Variants in SORCS1 observed in about 807,000 individuals in gnomAD.
SORCS1 encodes the protein VPS10 domain-containing receptor SorCS1.
SORCS1 carries 60 observed loss-of-function variants against 146.1 expected under a neutral mutation model. The observed-to-expected ratio is 0.41, with a 90% confidence interval of 0.33 to 0.51. SORCS1 has a LOEUF of 0.51. Ranked by LOEUF, SORCS1 falls within the 20% of genes least tolerant of loss-of-function variation. The pLI, the probability that SORCS1 is intolerant of heterozygous loss-of-function variation, is 0.21. For missense variants in SORCS1, 1,352 were observed against 1,487.6 expected (o/e 0.91, Z 1.50); for synonymous variants, 637 against 584.0 (o/e 1.09, Z -1.31).
chr10:106,949,239 T>C (rs1954541652), intron 2 of SORCS1, among the ~76,000 whole-genome samples: 1 of 152,208 alleles, frequency 6.6e-6, no homozygotes, highest in Admixed American at 6.5e-5. Context: ...TTTATTATTA[T>C]TATTTTTTCT....
chr10:106,947,115 C>G (rs1954384450), intron 2 of SORCS1, among the ~76,000 whole-genome samples: 1 of 152,174 alleles, frequency 6.6e-6, no homozygotes, highest in African/African-American at 2.4e-5. Flanking sequence ...ACATCACTTT[C>G]ATCCAAAATA....
intron 2 of SORCS1, among the ~76,000 whole-genome samples, chr10:106,913,849 T>C (rs537852241): frequency 6.6e-6 from 1 of 152,232 alleles, no homozygotes; most frequent in Non-Finnish European, 1.5e-5. Flanking sequence ...GCCTAAGAAA[T>C]GTCCTTGAGT....
In SORCS1 at chr10:107,164,390, G is replaced by A. The variant is rs1448722003; in HGVS notation, c.137C>T (p.Ala46Val). ...CCTAGGGGTCGAGGCCGAGCGTGGA[G>A]CGGAGCTGGGGTGCGGCGAGGGGCA... ...SCCPSPHPSSAPRSASTPRGF... is the reference protein window; with the variant it reads ...SCCPSPHPSSVPRSASTPRGF... The change falls in exon 1 of 26, where the codon GCT (alanine) becomes GTT (valine). Residue 46 changes from alanine to valine, a missense_variant. Around this residue, in one of 3 missense-constraint regions of SORCS1, gnomAD observed 490 missense variants for 489.1 expected, o/e 1.00. Coordinates refer to ENST00000263054, the MANE Select transcript of SORCS1 (RefSeq NM_052918.5). This position sits in a 1 kb window ranked among gnomAD's most constrained non-coding sequence, Gnocchi z 6.8. 5.5e-6 allele frequency: 8 copies of A among 1,456,068 alleles called. No individual in the cohort carries two copies. In the Admixed American group the frequency reaches 7.9e-5, roughly 14 times the overall value. 90.2% of individuals were successfully genotyped at this position (1,456,068 alleles called of 1,614,324 possible). A position where few individuals can be genotyped will look rare whatever the true frequency, so the allele number is the denominator to read the frequency against.
At chr10:107,167,787 T>C (rs1029253866), upstream of SORCS1, among the ~76,000 whole-genome samples, 8 of 151,876 alleles carry the variant, frequency 5.3e-5, no homozygotes, top group Admixed American at 2.0e-4. Flanking sequence ...TATAAACATA[T>C]GTATATATAT....
At chr10:107,025,182 T>C (rs1958345173) in intron 1 of SORCS1, among the ~76,000 whole-genome samples, 1 of 152,200 alleles carries the variant, frequency 6.6e-6, no homozygotes, top group Non-Finnish European at 1.5e-5. Context: ...TAAAAAGTAC[T>C]GAAAATGTTA....
chr10:106,654,903 TTGGCTCACTGCGGCTTTATTA>T (rs1364926882), intron 17 of SORCS1, among the ~76,000 whole-genome samples: 1 of 152,138 alleles, frequency 6.6e-6, no homozygotes, highest in South Asian at 2.1e-4. Flanking sequence ...CAGGCTTTAC[TTGGCTCACTGCGGCTTTATTA>T]TGGCTCACTG....
chr10:106,903,620 GAA>G (rs1157001372), intron 2 of SORCS1, among the ~76,000 whole-genome samples: 3 of 152,136 alleles, frequency 2.0e-5, no homozygotes, highest in Non-Finnish European at 2.9e-5. Flanking sequence ...TCAGAGAAAA[GAA>G]AAGAGTGACG....
intron 14 of SORCS1, 130 bp from the exon 15 acceptor site, chr10:106,673,115 A>C: frequency 1.5e-6 from 1 of 667,768 alleles, no homozygotes; most frequent in Non-Finnish European, 2.5e-6. Flanking sequence ...TAATCCTCAA[A>C]ACGCATTCAT....
chr10:106,578,912 GGTTT>G (rs538854687), intron 25 of SORCS1: 251 of 1,421,908 alleles, frequency 1.8e-4, no homozygotes, highest in Non-Finnish European at 2.2e-4. Context: ...AGAAGCAAGA[GGTTT>G]GTTTGTTTTT....
intron 1 of SORCS1, among the ~76,000 whole-genome samples, chr10:107,141,289 T>G (rs1000606434): frequency 6.6e-6 from 1 of 152,174 alleles, no homozygotes; most frequent in African/African-American, 2.4e-5. Flanking sequence ...AGGAACTCAA[T>G]GGAGGGGAGG....
Position 106,812,528 on chromosome 10 carries a change from G to T in SORCS1, c.726+17046C>A, listed in dbSNP as rs1947517951. Among the ~76,000 whole-genome samples, 6 of 152,138 alleles carry T rather than the reference G, an allele frequency of 3.9e-5. No individual in the cohort carries two copies. The South Asian group carries it at 1.2e-3, about 32-fold the overall frequency. On this transcript the variant is annotated intron_variant, in intron 3 of 25. Coordinates refer to ENST00000263054, the MANE Select transcript of SORCS1 (RefSeq NM_052918.5). The stretch of plus-strand genomic sequence containing the variant: ...TTCTAGTTCCAATTTAGGTCTAGTT[G>T]TAAACAGCTTTCTTTCTAATATTTG...
intron 2 of SORCS1, among the ~76,000 whole-genome samples, chr10:106,886,925 C>G (rs1372811045): frequency 1.3e-5 from 2 of 152,186 alleles, no homozygotes; most frequent in African/African-American, 4.8e-5. Flanking sequence ...CTATGCCAGG[C>G]ACTAAGCAGA....
intron 3 of SORCS1, among the ~76,000 whole-genome samples, chr10:106,813,305 T>G (rs1947569579): frequency 6.6e-6 from 1 of 151,854 alleles, no homozygotes; most frequent in Non-Finnish European, 1.5e-5. Flanking sequence ...GCTAATTTTT[T>G]GTATTTTTAG....
chr10:106,754,141 A>T (rs529041101), intron 5 of SORCS1, among the ~76,000 whole-genome samples: 1 of 152,302 alleles, frequency 6.6e-6, no homozygotes, highest in East Asian at 1.9e-4. Context: ...AGTAAAGTTG[A>T]TTCTAGCCCG....
chr10:107,139,623 G>T (rs1441340643), intron 1 of SORCS1, among the ~76,000 whole-genome samples: 1 of 152,192 alleles, frequency 6.6e-6, no homozygotes, highest in Admixed American at 6.5e-5. Context: ...GTAGAGATTG[G>T]TGAAGCCCAA....
At chr10:106,825,248 A>G (rs1224369502) in intron 3 of SORCS1, among the ~76,000 whole-genome samples, 1 of 150,112 alleles carries the variant, frequency 6.7e-6, no homozygotes, top group Non-Finnish European at 1.5e-5. Flanking sequence ...AGAGAATTTG[A>G]GAGTGAAATT....
chr10:106,841,732 G>C (rs914092164), intron 2 of SORCS1, among the ~76,000 whole-genome samples: 4 of 152,128 alleles, frequency 2.6e-5, no homozygotes, highest in Non-Finnish European at 4.4e-5. Flanking sequence ...ATACATCTCA[G>C]CTTCCTGCAT....
At chr10:107,039,064 T>C (rs569045576) in intron 1 of SORCS1, among the ~76,000 whole-genome samples, 72 of 152,110 alleles carry the variant, frequency 4.7e-4, no homozygotes, top group African/African-American at 1.6e-3. Context: ...GAAAAAGAAA[T>C]CACGCCTGTA....
chr10:106,748,934 T>A (rs925102832), intron 5 of SORCS1, among the ~76,000 whole-genome samples: 1 of 152,230 alleles, frequency 6.6e-6, no homozygotes, highest in Non-Finnish European at 1.5e-5. Context: ...ATATACATAA[T>A]GTGGCATACA....
Sources: allele counts gnomAD v4.1 joint callset (sites outside exome capture counted in the v4.1 genomes callset), GRCh38; gene constraint gnomAD v4.1.1; regional missense constraint gnomAD v4.1.1; non-coding constraint Gnocchi (gnomAD v3.1); transcripts MANE v1.5; gene names NCBI Gene and HGNC (gene_info 2026-07-23, HGNC 2026-07-21).